Variants in CDKN2B-AS1 observed in about 807,000 individuals in gnomAD.
CDKN2B-AS1 encodes CDKN2B and CDKN2A antisense cis and trans regulatory RNA 1.
intron 4 of CDKN2B-AS1, among the ~76,000 whole-genome samples, chr9:22,094,977 C>G (rs1460197579): frequency 6.9e-6 from 1 of 144,562 alleles, no homozygotes; most frequent in Non-Finnish European, 1.5e-5. Flanking sequence ...TGGTGACGTA[C>G]AGATGGGGTT....
intron 3 of CDKN2B-AS1, among the ~76,000 whole-genome samples, chr9:22,054,120 C>G (rs1823462022): frequency 6.6e-6 from 1 of 152,154 alleles, no homozygotes; most frequent in African/African-American, 2.4e-5. Context: ...AATTTATACA[C>G]ACTATCTCAT....
At chr9:22,076,185 T>A (rs1212029538) in intron 4 of CDKN2B-AS1, among the ~76,000 whole-genome samples, 1 of 152,092 alleles carries the variant, frequency 6.6e-6, no homozygotes, top group Non-Finnish European at 1.5e-5. Context: ...TCCCAAGTAG[T>A]TGGATTACAG....
chr9:22,012,374 C>T lies in CDKN2B-AS1; in HGVS notation n.29+17213C>T, dbSNP rs144043071. ...CACCCCGCACCTGGTGCTGCACCTG[C>T]GAGGTGGCATTATTGAGCCTTCACT... On this transcript the variant is annotated intron_variant and non_coding_transcript_variant, in intron 1 of 4. Coordinates refer to ENST00000650946, the Ensembl canonical transcript of CDKN2B-AS1. The T allele has an allele frequency of 2.8e-4, 272 of 975,918 alleles. 1 individual carries two copies. The highest frequency in any genetic ancestry group is 9.6e-4 in the African/African-American group (60 of 62,510). The allele number at this position is 975,918 out of a possible 1,614,324, so 60.5% of individuals were successfully genotyped here.
At chr9:22,069,057 G>A (rs1203671116) in intron 4 of CDKN2B-AS1, among the ~76,000 whole-genome samples, 1 of 152,202 alleles carries the variant, frequency 6.6e-6, no homozygotes, top group Non-Finnish European at 1.5e-5. Context: ...GTCATTGCAT[G>A]TTAGCTTTCT....
chr9:21,996,911 C>G lies in CDKN2B-AS1; in HGVS notation n.29+1750C>G, dbSNP rs1364365579. Among the ~76,000 whole-genome samples the G allele has an allele frequency of 1.3e-5, 2 of 152,126 alleles. No individual in the cohort carries two copies. The highest frequency in any genetic ancestry group is 2.1e-4 in the South Asian group (1 of 4,818). ...CATGGTGGGGAAAGGAGAAAAGGCA[C>G]GTATTAAACATCTTTTGAAGTCGCT... On this transcript the variant is annotated intron_variant and non_coding_transcript_variant, in intron 1 of 4. Transcript: ENST00000650946. The surrounding 1 kb of genome is among the most constrained non-coding windows in gnomAD (Gnocchi z 5.4).
chr9:22,099,995 G>A lies in CDKN2B-AS1; in HGVS notation n.439-27108G>A, dbSNP rs559718324. Among the ~76,000 whole-genome samples, 6 of 152,194 alleles carry A rather than the reference G, an allele frequency of 3.9e-5. 1 individual carries two copies. Among genetic ancestry groups the A allele is most frequent in the Admixed American group, 1.3e-4 (2 of 15,280 alleles). On this transcript the variant is annotated intron_variant and non_coding_transcript_variant, in intron 4 of 4. Transcript: ENST00000650946. ...GTACATTTGATAGTTTGAACTAGTC[G>A]TATTATGCACTTCAAATATGTAAAA...
At chr9:22,123,850 G>A (rs903849273) in intron 4 of CDKN2B-AS1, among the ~76,000 whole-genome samples, 9 of 152,120 alleles carry the variant, frequency 5.9e-5, no homozygotes, top group South Asian at 2.1e-4. Flanking sequence ...TACAATGAGC[G>A]TAAACAATGA....
intron 1 of CDKN2B-AS1, chr9:22,029,824 G>T (rs990413699): frequency 1.7e-5 from 4 of 229,230 alleles, no homozygotes; most frequent in South Asian, 3.1e-4. Context: ...AATATTACAT[G>T]ATTTAAATTA....
intron 1 of CDKN2B-AS1, among the ~76,000 whole-genome samples, chr9:22,041,624 T>G (rs1216890215): frequency 6.6e-6 from 1 of 152,098 alleles, no homozygotes; most frequent in Non-Finnish European, 1.5e-5. Context: ...CTGAATCTAC[T>G]GCTGAAAGGT....
At chr9:22,040,403 T>C in intron 1 of CDKN2B-AS1, among the ~76,000 whole-genome samples, 1 of 152,036 alleles carries the variant, frequency 6.6e-6, no homozygotes, top group East Asian at 1.9e-4. Context: ...CTCCAAAACA[T>C]CATTACTCTA....
intron 1 of CDKN2B-AS1, among the ~76,000 whole-genome samples, chr9:22,038,255 C>A (rs1484082132): frequency 6.6e-6 from 1 of 151,708 alleles, no homozygotes; most frequent in Non-Finnish European, 1.5e-5. Context: ...ATGTGAAACA[C>A]TGTAGGAGGT....
At chr9:22,096,963 G>T (rs537217530) in intron 4 of CDKN2B-AS1, among the ~76,000 whole-genome samples, 1 of 152,186 alleles carries the variant, frequency 6.6e-6, no homozygotes, top group South Asian at 2.1e-4. Flanking sequence ...TTCTTTGCCT[G>T]CTGGATTTGC....
chr9:22,052,921 G>T (rs1271331614), intron 3 of CDKN2B-AS1, among the ~76,000 whole-genome samples: 1 of 152,140 alleles, frequency 6.6e-6, no homozygotes, highest in Non-Finnish European at 1.5e-5. Context: ...ATTCCACATT[G>T]TAGTTCATGA....
intron 4 of CDKN2B-AS1, among the ~76,000 whole-genome samples, chr9:22,115,397 A>G (rs530907159): frequency 6.6e-6 from 1 of 152,298 alleles, no homozygotes; most frequent in East Asian, 1.9e-4. Context: ...ACTGCGATAT[A>G]TGATCACTCC....
chr9:22,004,118 A>G (rs1355616335), intron 1 of CDKN2B-AS1: 1 of 232,392 alleles, frequency 4.3e-6, no homozygotes, highest in Non-Finnish European at 8.5e-6. Context: ...ATTAACAAAT[A>G]TATTTTAATG....
intron 1 of CDKN2B-AS1, among the ~76,000 whole-genome samples, chr9:22,027,411 A>G (rs947086376): frequency 1.3e-5 from 2 of 152,220 alleles, no homozygotes; most frequent in African/African-American, 4.8e-5. Flanking sequence ...AGGACAGGAT[A>G]AAAGCACTCA....
chr9:22,011,785 C>T (rs758699855), intron 1 of CDKN2B-AS1, among the ~76,000 whole-genome samples: 4 of 152,150 alleles, frequency 2.6e-5, no homozygotes, highest in Admixed American at 6.5e-5. Context: ...TCCTTGAAAC[C>T]CAGCTGTCTC....
At chr9:22,054,415 G>A (rs1018973476) in intron 3 of CDKN2B-AS1, among the ~76,000 whole-genome samples, 2 of 152,074 alleles carry the variant, frequency 1.3e-5, no homozygotes, top group African/African-American at 4.8e-5. Context: ...TACTTGAAAG[G>A]CCACAAACAA....
intron 1 of CDKN2B-AS1, among the ~76,000 whole-genome samples, chr9:22,027,250 AT>A (rs1563931096): frequency 6.6e-6 from 1 of 151,756 alleles, no homozygotes; most frequent in African/African-American, 2.4e-5. Context: ...ATCATTATGA[AT>A]TTTTTTACAT....
Sources: gnomAD v4.1 joint callset for allele counts (sites outside exome capture counted in the v4.1 genomes callset) on GRCh38, gnomAD v4.1.1 for gene constraint, Gnocchi (gnomAD v3.1) non-coding constraint, MANE v1.5 for transcripts, NCBI Gene and HGNC (gene_info 2026-07-23, HGNC 2026-07-21) for gene names.